Variants in LINGO2 observed in about 807,000 individuals in gnomAD.
LINGO2 encodes leucine-rich repeat and immunoglobulin-like domain-containing nogo receptor-interacting protein 2.
In LINGO2, 14 loss-of-function variants were observed where a neutral mutation model predicts 30.6. The observed-to-expected ratio is 0.46, with a 90% confidence interval of 0.30 to 0.72. LINGO2 has a LOEUF of 0.72. LINGO2 is among the 30% of genes least tolerant of loss of function. The pLI is 0.07. For synonymous variants in LINGO2, 317 were observed against 288.5 expected, an observed-to-expected ratio of 1.10 and a Z score of -1.00; for missense variants, 729 against 751.7, an observed-to-expected ratio of 0.97 and a Z score of 0.35.
At chr9:27,970,346 C>T (rs1820296434) in intron 5 of LINGO2, among the ~76,000 whole-genome samples, 1 of 152,148 alleles carries the variant, frequency 6.6e-6, no homozygotes, top group African/African-American at 2.4e-5. Flanking sequence ...ATACTCTTGT[C>T]TCAGATATTG....
At chr9:28,090,867 C>T (rs1445330232) in intron 4 of LINGO2, among the ~76,000 whole-genome samples, 4 of 152,156 alleles carry the variant, frequency 2.6e-5, no homozygotes, top group African/African-American at 9.7e-5. Flanking sequence ...TCAGCAAAGT[C>T]TCAGGATACA....
At chr9:28,654,724 A>G (rs571217928) in intron 1 of LINGO2, among the ~76,000 whole-genome samples, 1 of 152,170 alleles carries the variant, frequency 6.6e-6, no homozygotes, top group South Asian at 2.1e-4. Flanking sequence ...TTACAAGTAA[A>G]ATCACTAGAG....
the LINGO2 span, among the ~76,000 whole-genome samples, chr9:28,962,412 A>C: frequency 6.6e-6 from 1 of 152,058 alleles, no homozygotes; most frequent in Admixed American, 6.6e-5. Flanking sequence ...TTTTTATATC[A>C]AACTTAGTTA....
At chr9:28,242,099 G>C (rs1266848194) in intron 4 of LINGO2, among the ~76,000 whole-genome samples, 1 of 152,114 alleles carries the variant, frequency 6.6e-6, no homozygotes, top group African/African-American at 2.4e-5. Context: ...TTCCAACAGG[G>C]GCCAGAATTG....
chr9:28,892,902 T>TA, the LINGO2 span, among the ~76,000 whole-genome samples: 1 of 152,054 alleles, frequency 6.6e-6, no homozygotes, highest in Non-Finnish European at 1.5e-5. Flanking sequence ...AAGTATTTAA[T>TA]AAAAATTCCA....
At chr9:28,766,245 T>C in the LINGO2 span, among the ~76,000 whole-genome samples, 1 of 151,848 alleles carries the variant, frequency 6.6e-6, no homozygotes, top group African/African-American at 2.4e-5. Flanking sequence ...CATAACTTAA[T>C]AGCAATAAAA....
At chr9:28,648,185 T>C (rs746262024) in intron 1 of LINGO2, among the ~76,000 whole-genome samples, 15 of 152,130 alleles carry the variant, frequency 9.9e-5, no homozygotes, top group African/African-American at 2.9e-4. Flanking sequence ...AAATAAACTT[T>C]ACATAAATTT....
intron 1 of LINGO2, among the ~76,000 whole-genome samples, chr9:28,538,370 A>T (rs140288321): frequency 6.6e-6 from 1 of 152,220 alleles, no homozygotes; most frequent in East Asian, 1.9e-4. Context: ...AATTTAAAAG[A>T]TTAAAGTTTT....
chr9:28,783,202 T>C, the LINGO2 span, among the ~76,000 whole-genome samples: 1 of 152,140 alleles, frequency 6.6e-6, no homozygotes, highest in Non-Finnish European at 1.5e-5. Flanking sequence ...GAAATGAATA[T>C]ACAGTTGTCC....
At chr9:28,902,228 T>C in the LINGO2 span, among the ~76,000 whole-genome samples, 3 of 151,942 alleles carry the variant, frequency 2.0e-5, no homozygotes, top group African/African-American at 7.2e-5. Flanking sequence ...CTTATATCAG[T>C]AAAATGAATA....
At chr9:28,571,152 T>TA (rs1165377125) in intron 1 of LINGO2, among the ~76,000 whole-genome samples, 5 of 151,932 alleles carry the variant, frequency 3.3e-5, no homozygotes, top group South Asian at 2.1e-4. Context: ...TAAGGTATCT[T>TA]AAAAAAATAC....
At chr9:28,595,227 C>T (rs1477170347) in intron 1 of LINGO2, among the ~76,000 whole-genome samples, 1 of 152,054 alleles carries the variant, frequency 6.6e-6, no homozygotes, top group Non-Finnish European at 1.5e-5. Flanking sequence ...AAGTGGATGC[C>T]ACCCAGTATT....
intron 4 of LINGO2, among the ~76,000 whole-genome samples, chr9:28,037,231 A>G (rs1823980759): frequency 6.6e-6 from 1 of 152,242 alleles, no homozygotes; most frequent in Non-Finnish European, 1.5e-5. Context: ...TTATACAAAC[A>G]GTAGTTATGC....
the LINGO2 span, among the ~76,000 whole-genome samples, chr9:28,837,358 T>C: frequency 2.6e-5 from 4 of 151,854 alleles, no homozygotes; most frequent in African/African-American, 9.7e-5. Context: ...TTAGAAATAT[T>C]GTTAGGGCCA....
intron 5 of LINGO2, among the ~76,000 whole-genome samples, chr9:28,010,231 A>C (rs1175608902): frequency 1.3e-5 from 2 of 152,242 alleles, no homozygotes; most frequent in Non-Finnish European, 2.9e-5. Context: ...TGTATACCTA[A>C]CATGTGTATC....
Position 27,949,793 on chromosome 9 carries a change from G to T in LINGO2, c.879C>A (p.Phe293Leu). The T allele has an allele frequency of 7.4e-6, 12 of 1,614,130 alleles. No individual in the cohort carries two copies. Among genetic ancestry groups the T allele is most frequent in the Non-Finnish European group, 1.0e-5 (12 of 1,180,000 alleles). The change falls in exon 6 of 6, where the codon TTC (phenylalanine) becomes TTA (leucine). Residue 293 changes from phenylalanine to leucine, a missense_variant. Phe to Leu is a conservative substitution (Grantham distance 22). Coordinates refer to ENST00000379992, the Ensembl canonical transcript of LINGO2. ...GCTCCTGAAGGCGGATCAGGTCAGAGAACATGCCTGCTTCAATAGTGCTGA... is the reference window on the plus strand; with the variant it reads ...GCTCCTGAAGGCGGATCAGGTCAGATAACATGCCTGCTTCAATAGTGCTGA...
the LINGO2 span, among the ~76,000 whole-genome samples, chr9:29,128,121 C>T: frequency 9.9e-5 from 15 of 152,164 alleles, no homozygotes; most frequent in South Asian, 2.5e-3. Context: ...AGAAAAGCTC[C>T]TAGTAGGCCA....
chr9:29,123,661 A>C, the LINGO2 span, among the ~76,000 whole-genome samples: 3 of 152,104 alleles, frequency 2.0e-5, no homozygotes, highest in African/African-American at 7.2e-5. Flanking sequence ...GAAGAATGTA[A>C]AACAAATTTA....
chr9:28,289,542 C>G (rs1823642340), intron 4 of LINGO2, among the ~76,000 whole-genome samples: 1 of 152,142 alleles, frequency 6.6e-6, no homozygotes, highest in Non-Finnish European at 1.5e-5. Context: ...AAGTGCATAT[C>G]TCACAAACAG....
Sources: allele counts gnomAD v4.1 joint callset (sites outside exome capture counted in the v4.1 genomes callset), GRCh38; gene constraint gnomAD v4.1.1; transcripts MANE v1.5; gene names NCBI Gene and HGNC (gene_info 2026-07-23, HGNC 2026-07-21).